The following AIM2 variants were observed in gnomAD, a reference collection of about 807,000 sequenced individuals.
AIM2 encodes the protein absent in melanoma 2.
In AIM2, 30 loss-of-function variants were observed where a neutral mutation model predicts 27.7. That is an observed-to-expected ratio of 1.08 (90% CI 0.81 to 1.47). The LOEUF (loss-of-function observed/expected upper bound fraction) is 1.47, where lower values mean the gene tolerates loss of function less well. AIM2 is among the 40% of genes most tolerant of loss of function. AIM2 has a pLI of 0.00. For missense variants in AIM2, 358 were observed against 411.3 expected (o/e 0.87, Z 1.12); for synonymous variants, 141 against 145.3 (o/e 0.97, Z 0.21).
chr1:159,144,706 A>T (rs927408050), upstream of AIM2, among the ~76,000 whole-genome samples: 2 of 152,166 alleles, frequency 1.3e-5, no homozygotes, highest in African/African-American at 4.8e-5. Flanking sequence ...ATTGAATACC[A>T]CTTTGTGACC....
intron 1 of AIM2, among the ~76,000 whole-genome samples, chr1:159,082,505 CT>C (rs1286205402): frequency 1.3e-5 from 2 of 151,826 alleles, no homozygotes; most frequent in African/African-American, 4.8e-5. Flanking sequence ...TTCTCTCTTT[CT>C]TTTTTTTAAA....
At chr1:159,145,303 G>A (rs1417642707), upstream of AIM2, among the ~76,000 whole-genome samples, 1 of 152,072 alleles carries the variant, frequency 6.6e-6, no homozygotes, top group African/African-American at 2.4e-5. Flanking sequence ...TCTTCAGGAG[G>A]TCTTGCCCCA....
At chr1:159,125,597 T>C (rs1425125016) in intron 1 of AIM2, among the ~76,000 whole-genome samples, 1 of 152,194 alleles carries the variant, frequency 6.6e-6, no homozygotes, top group Non-Finnish European at 1.5e-5. Context: ...GCTTTGACTG[T>C]CAAATCTGCT....
chr1:159,137,420 G>C (rs768165883), intron 1 of AIM2, among the ~76,000 whole-genome samples: 3 of 152,176 alleles, frequency 2.0e-5, no homozygotes, highest in Non-Finnish European at 4.4e-5. Flanking sequence ...ACTTTGGGAG[G>C]CTGAGGCGGG....
intron 1 of AIM2, among the ~76,000 whole-genome samples, chr1:159,105,897 C>T (rs894276230): frequency 4.6e-5 from 7 of 152,174 alleles, no homozygotes; most frequent in African/African-American, 1.7e-4. Context: ...AGCCTGGCCC[C>T]CATGCTTCGG....
rs1412108671 is a variant in AIM2, at chr1:159,068,683, G to A, written c.281C>T (p.Ser94Leu). Residue 94 changes from serine to leucine, a missense_variant, in exon 3 of 6, where the codon TCG (serine) becomes TTG (leucine). Physicochemically the swap from Ser to Leu is moderately radical, Grantham distance 145. Transcript: ENST00000368130. ...EKEKVDKQYK[S>L]VTKPKPLSQA... ...ACTTAGTGGCTTTGGTTTTGTTACCGATTTGTATTGCTTATCAACTGATTA... is the reference window on the plus strand; with the variant it reads ...ACTTAGTGGCTTTGGTTTTGTTACCAATTTGTATTGCTTATCAACTGATTA... 1.2e-6 allele frequency: 2 copies of A among 1,613,640 alleles called. No homozygotes were observed. Among genetic ancestry groups the A allele is most frequent in the Admixed American group, 1.7e-5 (1 of 59,944 alleles).
chr1:159,069,546 C>CTTTTT (rs760527368), intron 2 of AIM2, among the ~76,000 whole-genome samples: 3 of 142,068 alleles, frequency 2.1e-5, no homozygotes, highest in African/African-American at 7.7e-5. Flanking sequence ...TGATTTCTTT[C>CTTTTT]TTTTTTTTTT....
rs964389122 is a variant in AIM2 at position 159,085,245 on chromosome 1, GA to G, written c.-15-18917del. Among the ~76,000 whole-genome samples, 179 of 148,388 alleles carry G rather than the reference GA, an allele frequency of 1.2e-3. 2 individuals carry two copies. Among genetic ancestry groups the G allele is most frequent in the Non-Finnish European group, 3.3e-4 (22 of 66,884 alleles). On this transcript the variant is annotated intron_variant, in intron 1 of 2. Coordinates refer to the AIM2 transcript ENST00000368129. ...TCACCTGTGTCCATCTGGGCTGCAA[GA>G]AAAAAAAAATGAGAATCTGACTCCT... is the stretch of plus-strand genomic sequence containing the variant.
intron 3 of AIM2, among the ~76,000 whole-genome samples, 185 bp downstream of exon 3, chr1:159,068,383 A>T (rs1373538090): frequency 2.0e-5 from 3 of 152,274 alleles, no homozygotes; most frequent in Admixed American, 2.0e-4. Flanking sequence ...TTAGAAGCTC[A>T]ACAGGTGTTT....
chr1:159,145,584 C>T (rs1648186751), intron 1 of AIM2, among the ~76,000 whole-genome samples: 1 of 152,130 alleles, frequency 6.6e-6, no homozygotes, highest in Admixed American at 6.5e-5. Context: ...CAAGTCTAGC[C>T]CAGTCAAACT....
chr1:159,141,428 G>C (rs1284119985), upstream of AIM2, among the ~76,000 whole-genome samples: 3 of 152,136 alleles, frequency 2.0e-5, no homozygotes. Flanking sequence ...ACTAGACAAT[G>C]AAAATCTGTA....
chr1:159,075,459 A>G (rs1308104115), intron 1 of AIM2, among the ~76,000 whole-genome samples: 1 of 151,524 alleles, frequency 6.6e-6, no homozygotes, highest in Admixed American at 6.6e-5. Flanking sequence ...CTTTGTAGGA[A>G]ACACACACAT....
intron 1 of AIM2, among the ~76,000 whole-genome samples, chr1:159,084,081 A>G (rs1008412082): frequency 2.6e-5 from 4 of 152,204 alleles, no homozygotes; most frequent in South Asian, 2.1e-4. Context: ...ATTGAAACCC[A>G]TAAGTGAGGG....
At chr1:159,100,393 G>T (rs1657287139) in intron 1 of AIM2, among the ~76,000 whole-genome samples, 1 of 152,050 alleles carries the variant, frequency 6.6e-6, no homozygotes, top group Admixed American at 6.5e-5. Flanking sequence ...TGTATGTAAT[G>T]AATATTTTTG....
chr1:159,119,032 T>G (rs1466891196), intron 1 of AIM2, among the ~76,000 whole-genome samples: 1 of 152,158 alleles, frequency 6.6e-6, no homozygotes, highest in East Asian at 1.9e-4. Context: ...GCATTACATA[T>G]CTCTCACACC....
chr1:159,108,317 C>T (rs189123388), intron 1 of AIM2, among the ~76,000 whole-genome samples: 26 of 152,090 alleles, frequency 1.7e-4, no homozygotes, highest in East Asian at 1.4e-3. Flanking sequence ...CAATAGATGC[C>T]GAAAAAGCAT....
At chr1:159,074,481 G>T (rs529461347) in intron 1 of AIM2, among the ~76,000 whole-genome samples, 1 of 151,710 alleles carries the variant, frequency 6.6e-6, no homozygotes, top group African/African-American at 2.4e-5. Context: ...AAAATCAGTT[G>T]TCCAAATATG....
upstream of AIM2, among the ~76,000 whole-genome samples, chr1:159,143,360 G>A (rs1648147378): frequency 6.6e-6 from 1 of 152,102 alleles, no homozygotes; most frequent in South Asian, 2.1e-4. Context: ...GACTGATTGT[G>A]TCTATTATAG....
In AIM2 at chr1:159,063,585, C is replaced by T. The variant is rs865840722; in HGVS notation, c.906G>A (p.Met302Ile). ...EVLGVRNEDT[M>I]KCKEGDKVRL... The stretch of plus-strand genomic sequence containing the variant: ...GAACCTTATCTCCTTCCTTACATTT[C>T]ATTGTGTCCTCGTTTCTAACCCCCA... Residue 302 changes from methionine (M) to isoleucine (I), a missense_variant, in exon 5 of 6, where the codon ATG (methionine) becomes ATA (isoleucine). Transcript: ENST00000368130. 6.2e-7 allele frequency: 1 copy of T among 1,614,176 alleles called. No individual in the cohort carries two copies. Among genetic ancestry groups the T allele is most frequent in the Non-Finnish European group, 8.5e-7 (1 of 1,180,016 alleles).
Sources: gnomAD v4.1 joint callset for allele counts (sites outside exome capture counted in the v4.1 genomes callset) on GRCh38, gnomAD v4.1.1 for gene constraint, MANE v1.5 for transcripts, NCBI Gene and HGNC (gene_info 2026-07-23, HGNC 2026-07-21) for gene names.